Variants in ANO3 observed in about 807,000 individuals in gnomAD.
The protein encoded by ANO3 is anoctamin 3.
Under a neutral mutation model 144.8 loss-of-function variants are expected in ANO3, and 99 were observed. The ratio of observed to expected loss-of-function variants is 0.68; its 90% CI spans 0.58 to 0.81. The LOEUF (loss-of-function observed/expected upper bound fraction) is 0.81, where lower values mean the gene tolerates loss of function less well. ANO3 is among the 30% of genes least tolerant of loss of function. The probability of loss-of-function intolerance (pLI) is 0.00; values close to 1 mark genes in which losing one functional copy is unlikely to be tolerated. For missense variants in ANO3, 905 were observed against 1,202.2 expected, an observed-to-expected ratio of 0.75 and a Z score of 3.66; for synonymous variants, 414 against 392.6, an observed-to-expected ratio of 1.05 and a Z score of -0.64.
intron 7 of ANO3, among the ~76,000 whole-genome samples, chr11:26,525,892 T>G (rs1849149823): frequency 6.6e-6 from 1 of 152,268 alleles, no homozygotes; most frequent in Middle Eastern, 3.4e-3. Context: ...ATTCTTGGAA[T>G]CTTCCCATGT....
intron 4 of ANO3, among the ~76,000 whole-genome samples, chr11:26,486,340 G>A (rs1191055761): frequency 7.1e-5 from 9 of 126,436 alleles, no homozygotes; most frequent in African/African-American, 1.5e-4. Context: ...CAGTCTGGGC[G>A]ACAGAGTGAG....
rs74364973 is a variant in ANO3 at position 26,193,842 on chromosome 11, G to A, written c.154+4512G>A. Among the ~76,000 whole-genome samples, 352 of 152,218 alleles carry A rather than the reference G, an allele frequency of 2.3e-3. 13 individuals are homozygous for A. In the East Asian group the frequency reaches 0.061, roughly 26 times the overall value. Reference sequence around the variant, plus strand: ...GAATGCAACCTATCAGGTAATTCAGGATTCCCATGTAAATTAACATTTTTA... The same window carrying A: ...GAATGCAACCTATCAGGTAATTCAGAATTCCCATGTAAATTAACATTTTTA... On this transcript the variant is annotated intron_variant, in intron 1 of 27. Coordinates refer to the ANO3 transcript ENST00000672621.
chr11:26,401,806 G>C (rs528212415), intron 1 of ANO3, among the ~76,000 whole-genome samples: 1 of 152,182 alleles, frequency 6.6e-6, no homozygotes, highest in South Asian at 2.1e-4. Context: ...GAACCCAGGA[G>C]ACGGAGCTTT....
At chr11:26,205,172 C>T (rs969063298) in intron 1 of ANO3, among the ~76,000 whole-genome samples, 11 of 152,098 alleles carry the variant, frequency 7.2e-5, no homozygotes, top group African/African-American at 2.7e-4. Flanking sequence ...CCTGGTCCTG[C>T]CCTTAACAAG....
chr11:26,253,241 T>C (rs928657116), intron 1 of ANO3, among the ~76,000 whole-genome samples: 16 of 152,178 alleles, frequency 1.1e-4, no homozygotes, highest in African/African-American at 3.9e-4. Flanking sequence ...AATGAACTCA[T>C]GTCCTTTGCA....
At chr11:26,223,866 G>C (rs1476622926) in intron 1 of ANO3, among the ~76,000 whole-genome samples, 2 of 152,012 alleles carry the variant, frequency 1.3e-5, no homozygotes, top group Non-Finnish European at 2.9e-5. Flanking sequence ...AGAGAGAGAA[G>C]TCACTCATTA....
At chr11:26,189,007 T>C (rs1300143592) in exon 1 of ANO3, 1 of 170,876 alleles carries the variant, frequency 5.9e-6, no homozygotes, top group Non-Finnish European at 1.2e-5. Context: ...GAAAACCTCT[T>C]AGAGTCAGCT....
intron 6 of ANO3, among the ~76,000 whole-genome samples, chr11:26,525,161 C>G (rs1482065097): frequency 6.6e-6 from 1 of 152,096 alleles, no homozygotes; most frequent in African/African-American, 2.4e-5. Context: ...AGGGCACAAA[C>G]TGACCCTACC....
In ANO3 at chr11:26,661,765, GT is replaced by G. The variant is rs1211326188; in HGVS notation, c.*1323del. 3 of 152,058 alleles carry G rather than the reference GT, an allele frequency of 2.0e-5. No homozygotes were observed. Among genetic ancestry groups the G allele is most frequent in the African/African-American group, 7.2e-5 (3 of 41,430 alleles). The allele number at this position is 152,058 out of a possible 1,614,324, so 9.4% of individuals were successfully genotyped here. ...CAACTCTGTATCTATGAGTATGTCT[GT>G]TCCACAGACAGATGAGGCAGGAGTG... On this transcript the variant is annotated 3_prime_UTR_variant, in exon 27 of 27. Transcript: ENST00000256737.
At chr11:26,428,143 A>T (rs959906528) in intron 1 of ANO3, among the ~76,000 whole-genome samples, 8 of 152,226 alleles carry the variant, frequency 5.3e-5, no homozygotes, top group African/African-American at 1.9e-4. Context: ...GGTATTGAAC[A>T]TAATCAACAA....
At chr11:26,572,134 G>A (rs1850853297) in intron 14 of ANO3, 2 of 985,352 alleles carry the variant, frequency 2.0e-6, no homozygotes, top group Non-Finnish European at 1.2e-6. Flanking sequence ...AAACAGATGG[G>A]TTAAGTGTGA....
chr11:26,356,272 C>T (rs984565605), intron 1 of ANO3, among the ~76,000 whole-genome samples: 15 of 152,166 alleles, frequency 9.9e-5, no homozygotes, highest in Admixed American at 8.5e-4. Context: ...ACTACACGTA[C>T]TTAAAAGTAT....
chr11:26,488,395 C>T (rs770250058), intron 4 of ANO3, among the ~76,000 whole-genome samples: 33 of 152,154 alleles, frequency 2.2e-4, no homozygotes, highest in Non-Finnish European at 4.3e-4. Flanking sequence ...GGCAGCCCCT[C>T]CCATTGTGTC....
At chr11:26,601,933 C>T (rs1253410419) in intron 17 of ANO3, among the ~76,000 whole-genome samples, 1 of 152,070 alleles carries the variant, frequency 6.6e-6, no homozygotes, top group Non-Finnish European at 1.5e-5. Context: ...TACCCAGGAT[C>T]TTATAGTCTA....
At chr11:26,460,659 G>A (rs1346113270) in intron 3 of ANO3, among the ~76,000 whole-genome samples, 1 of 151,790 alleles carries the variant, frequency 6.6e-6, no homozygotes, top group Admixed American at 6.6e-5. Flanking sequence ...AGATGATGCT[G>A]TGTATTTCTT....
chr11:26,540,541 T>G (rs1849617342), intron 10 of ANO3, among the ~76,000 whole-genome samples: 1 of 151,946 alleles, frequency 6.6e-6, no homozygotes, highest in African/African-American at 2.4e-5. Flanking sequence ...AGAGAAAAAT[T>G]TTGCAATCTA....
At chr11:26,634,103 A>G (rs1281541192) in intron 18 of ANO3, 101 bp from the exon 19 acceptor site, 5 of 564,272 alleles carry the variant, frequency 8.9e-6, no homozygotes, top group Non-Finnish European at 3.0e-6. Context: ...AAAAAATTAA[A>G]TTAAAAAGAC....
chr11:26,315,735 A>G (rs974635332), intron 1 of ANO3, among the ~76,000 whole-genome samples: 3 of 151,728 alleles, frequency 2.0e-5, no homozygotes, highest in African/African-American at 7.3e-5. Flanking sequence ...CTACCTACCT[A>G]CCTAGCTATC....
intron 1 of ANO3, among the ~76,000 whole-genome samples, chr11:26,322,318 A>G (rs548319655): frequency 1.6e-3 from 247 of 152,264 alleles, no homozygotes; most frequent in Middle Eastern, 3.4e-3. Context: ...CTTTATTATT[A>G]ACATCTTAAT....
Sources: allele counts gnomAD v4.1 joint callset (sites outside exome capture counted in the v4.1 genomes callset), GRCh38; gene constraint gnomAD v4.1.1; transcripts MANE v1.5; gene names NCBI Gene and HGNC (gene_info 2026-07-23, HGNC 2026-07-21).